The following RELN variants were observed in gnomAD, a reference collection of about 807,000 sequenced individuals.
RELN encodes the protein reelin.
In RELN, 108 loss-of-function variants were observed where a neutral mutation model predicts 427.6. The observed-to-expected ratio is 0.25, with a 90% CI of 0.22 to 0.30. The LOEUF is 0.30. Among genes scored for constraint, RELN ranks in the 10% least tolerant of loss-of-function variants. The probability of loss-of-function intolerance (pLI) is 1.00; values close to 1 mark genes in which losing one functional copy is unlikely to be tolerated. For synonymous variants in RELN, 1,524 were observed against 1,513.4 expected, an observed-to-expected ratio of 1.01 and a Z score of -0.16; for missense variants, 3,715 against 4,302.8, an observed-to-expected ratio of 0.86 and a Z score of 3.82.
In RELN at chr7:103,545,301, A is replaced by G. The variant is rs1472959775; in HGVS notation, c.6346T>C (p.Ser2116Pro). 1.2e-6 allele frequency: 2 copies of G among 1,614,122 alleles called. No individual in the cohort carries two copies. Among genetic ancestry groups the G allele is most frequent in the Non-Finnish European group, 1.7e-6 (2 of 1,180,000 alleles). Residue 2116 changes from serine to proline, a missense_variant, in exon 42 of 65, where the codon TCT becomes CCT. Around this residue, in one of 4 missense-constraint regions of RELN, gnomAD observed 1,310 missense variants for 1,643.0 expected, o/e 0.80. Transcript: ENST00000428762. ...RWYQGFYPAG[S>P]QPVTWAIDNV... Reference sequence around the variant, plus strand: ...TCAATGGCCCATGTCACTGGCTGAGAGCCGGCAGGGTAAAATCCCTGGTAC... The same window carrying G: ...TCAATGGCCCATGTCACTGGCTGAGGGCCGGCAGGGTAAAATCCCTGGTAC...
In RELN at chr7:103,471,808, T is replaced by G. The variant is rs947782621; in HGVS notation, c.*1004A>C. 2 of 152,608 alleles carry G rather than the reference T, an allele frequency of 1.3e-5. No individual in the cohort carries two copies. Among genetic ancestry groups the G allele is most frequent in the South Asian group, 4.1e-4 (2 of 4,830 alleles). The allele number at this position is 152,608 out of a possible 1,614,324, so 9.5% of individuals were successfully genotyped here. A position where few individuals can be genotyped will look rare whatever the true frequency, so the allele number is the denominator to read the frequency against. On this transcript the variant is annotated 3_prime_UTR_variant, in exon 65 of 65. Transcript: ENST00000428762. Reference sequence around the variant, plus strand: ...CTTCAATGGCTTTTGGACATAATTTTTATTTAAGCATGGGCTTTTATAGCT... The same window carrying G: ...CTTCAATGGCTTTTGGACATAATTTGTATTTAAGCATGGGCTTTTATAGCT...
At chr7:103,845,485 C>G (rs544987411) in intron 2 of RELN, among the ~76,000 whole-genome samples, 1 of 152,346 alleles carries the variant, frequency 6.6e-6, no homozygotes, top group African/African-American at 2.4e-5. Flanking sequence ...CCGACCCACT[C>G]TCAACATTGT....
At chr7:103,945,054 T>G (rs555800566) in intron 1 of RELN, among the ~76,000 whole-genome samples, 5 of 152,300 alleles carry the variant, frequency 3.3e-5, no homozygotes, top group African/African-American at 9.6e-5. Flanking sequence ...TCCAGTTCAC[T>G]TGCAAAATAC....
chr7:103,513,159 T>C (rs903395047), intron 50 of RELN: 1 of 152,224 alleles, frequency 6.6e-6, no homozygotes. Flanking sequence ...CTTCATTTTA[T>C]GCTAGAACTC....
At chr7:103,532,474 G>T (rs979166524) in intron 46 of RELN, among the ~76,000 whole-genome samples, 2 of 150,518 alleles carry the variant, frequency 1.3e-5, no homozygotes, top group African/African-American at 4.9e-5. Context: ...AAAAAAAAAA[G>T]AAGAAGCTTT....
At chr7:103,909,661 A>C (rs1480787867) in intron 2 of RELN, among the ~76,000 whole-genome samples, 1 of 88,280 alleles carries the variant, frequency 1.1e-5, no homozygotes, top group Non-Finnish European at 2.1e-5. Context: ...TTTAATATAT[A>C]TAAATATATA....
intron 6 of RELN, 74 bp downstream of exon 6, chr7:103,749,352 T>C (rs754519044): frequency 6.1e-6 from 7 of 1,139,608 alleles, no homozygotes; most frequent in Non-Finnish European, 9.4e-6. Context: ...TTTAAGTAAC[T>C]GCTCCTTAAA....
Position 103,603,161 on chromosome 7 carries a change from AG to A in RELN, c.3333+142del. The A allele has an allele frequency of 1.3e-6, 1 of 745,510 alleles. No homozygotes were observed. The highest frequency in any genetic ancestry group is 2.4e-6 in the Non-Finnish European group (1 of 415,644). The allele number at this position is 745,510 out of a possible 1,614,324, so 46.2% of individuals were successfully genotyped here. A position where few individuals can be genotyped will look rare whatever the true frequency, so the allele number is the denominator to read the frequency against. Reference sequence around the variant, plus strand: ...ACAAGAATTTCCCAAGACATAGCTAAGGAATAGGAATTTGATAGAGCCCACT... The same window carrying A: ...ACAAGAATTTCCCAAGACATAGCTAAGAATAGGAATTTGATAGAGCCCACT... On this transcript the variant is annotated intron_variant, in intron 24 of 64. Coordinates refer to ENST00000428762, the MANE Select transcript of RELN (RefSeq NM_005045.4). This position sits in a 1 kb window ranked among gnomAD's most constrained non-coding sequence, Gnocchi z 4.3.
chr7:103,701,022 A>C lies in RELN; in HGVS notation c.806-16T>G. 1 of 1,473,316 alleles carries C rather than the reference A, an allele frequency of 6.8e-7. No individual in the cohort carries two copies. Among genetic ancestry groups the C allele is most frequent in the Non-Finnish European group, 9.5e-7 (1 of 1,051,944 alleles). The allele number at this position is 1,473,316 out of a possible 1,614,324, so 91.3% of individuals were successfully genotyped here. ...GAACCTGACCCTGTAAATAGCAATAACAATAAATTTCAAGGTTAAAAAATG... is the reference window on the plus strand; with the variant it reads ...GAACCTGACCCTGTAAATAGCAATACCAATAAATTTCAAGGTTAAAAAATG... On this transcript the variant is annotated splice_polypyrimidine_tract_variant and intron_variant, in intron 8 of 64. Coordinates refer to ENST00000428762, the MANE Select transcript of RELN (RefSeq NM_005045.4).
intron 16 of RELN, among the ~76,000 whole-genome samples, chr7:103,648,372 A>T (rs1005705556): frequency 6.6e-6 from 1 of 151,852 alleles, no homozygotes; most frequent in Admixed American, 6.6e-5. Flanking sequence ...GTTTCCTGAG[A>T]CCTCCTAGCC....
chr7:103,655,179 A>T (rs575780607), intron 12 of RELN, among the ~76,000 whole-genome samples: 1 of 152,152 alleles, frequency 6.6e-6, no homozygotes, highest in South Asian at 2.1e-4. Context: ...TTAAAGGATG[A>T]CATGTCTAAC....
Position 103,712,186 on chromosome 7 carries a change from C to T in RELN, c.805+10954G>A, listed in dbSNP as rs550960844. On this transcript the variant is annotated intron_variant, in intron 8 of 64. Transcript: ENST00000428762. The stretch of plus-strand genomic sequence containing the variant: ...GCAGCAATTATACATTAATCAAATG[C>T]AATCCATATTAAGTATATCAAAATT... 5.9e-5 allele frequency among the ~76,000 whole-genome samples: 9 copies of T among 152,284 alleles called. 1 individual carries two copies. The East Asian group carries it at 1.7e-3, about 29-fold the overall frequency.
In RELN at chr7:103,495,904, A is replaced by G. The variant is rs1562851578; in HGVS notation, c.9194-6T>C. ...TTCTTCATGGGAAGTGCCTTCTGTT[A>G]AGGAAAATTGGAAGCAATATGGCAT... On this transcript the variant is annotated splice_region_variant and splice_polypyrimidine_tract_variant and intron_variant, in intron 56 of 64. Transcript: ENST00000428762. The G allele has an allele frequency of 6.2e-7, 1 of 1,613,794 alleles. No homozygotes were observed. Among genetic ancestry groups the G allele is most frequent in the Non-Finnish European group, 8.5e-7 (1 of 1,179,798 alleles).
chr7:103,733,822 G>C (rs1166326668), intron 6 of RELN, among the ~76,000 whole-genome samples: 2 of 151,456 alleles, frequency 1.3e-5, no homozygotes, highest in African/African-American at 4.9e-5. Context: ...GATAGCATTG[G>C]GAGATATACC....
chr7:103,495,696 C>G (rs1461926970), intron 57 of RELN, 27 bp downstream of exon 57: 1 of 1,611,874 alleles, frequency 6.2e-7, no homozygotes, highest in East Asian at 2.2e-5. Flanking sequence ...ATGCTACTTT[C>G]TGTTTTAAAG....
At chr7:103,671,830 T>C (rs1833399539) in intron 11 of RELN, among the ~76,000 whole-genome samples, 1 of 152,176 alleles carries the variant, frequency 6.6e-6, no homozygotes, top group Non-Finnish European at 1.5e-5. Flanking sequence ...AAATTTATTA[T>C]TTATGTTATT....
At chr7:103,483,879 T>C in intron 61 of RELN, 29 bp from the exon 62 acceptor site, 6 of 1,601,474 alleles carry the variant, frequency 3.7e-6, no homozygotes, top group Non-Finnish European at 5.1e-6. Flanking sequence ...TCATCTTTAT[T>C]TTTATTTATT....
chr7:103,869,227 C>T (rs1361312754), intron 2 of RELN, among the ~76,000 whole-genome samples: 1 of 152,092 alleles, frequency 6.6e-6, no homozygotes, highest in Non-Finnish European at 1.5e-5. Flanking sequence ...ATACAATAAA[C>T]AGGCATCTTA....
intron 64 of RELN, among the ~76,000 whole-genome samples, chr7:103,476,268 T>C (rs1279105376): frequency 6.6e-6 from 1 of 152,012 alleles, no homozygotes; most frequent in African/African-American, 2.4e-5. Context: ...ATCAAGACCA[T>C]CCAGCTAACA....
Sources: allele counts gnomAD v4.1 joint callset (sites outside exome capture counted in the v4.1 genomes callset), GRCh38; gene constraint gnomAD v4.1.1; regional missense constraint gnomAD v4.1.1; non-coding constraint Gnocchi (gnomAD v3.1); transcripts MANE v1.5; gene names NCBI Gene and HGNC (gene_info 2026-07-23, HGNC 2026-07-21).